Variants in CCDC175 observed in about 807,000 individuals in gnomAD.
CCDC175 encodes the protein coiled-coil domain-containing protein 175.
A neutral mutation model predicts 114.6 loss-of-function variants in CCDC175; 100 were observed. The ratio of observed to expected loss-of-function variants is 0.87; its 90% CI spans 0.74 to 1.03. CCDC175 has a LOEUF of 1.03. Among genes scored for constraint, CCDC175 ranks in the 50% least tolerant of loss-of-function variants. The pLI, the probability that CCDC175 is intolerant of heterozygous loss-of-function variation, is 0.00. For missense variants in CCDC175, 880 were observed against 917.8 expected (o/e 0.96, Z 0.53); for synonymous variants, 306 against 308.7 (o/e 0.99, Z 0.09).
At position 59,531,752 on chromosome 14, in the gene CCDC175, A is replaced by T; in HGVS notation, c.1762+20T>A. ...TCCTTACCTGGGATTGAGTTTAATTACTAAATGCTTCATATGTACCTGTAA... is the reference window on the plus strand; with the variant it reads ...TCCTTACCTGGGATTGAGTTTAATTTCTAAATGCTTCATATGTACCTGTAA... On this transcript the variant is annotated intron_variant, in intron 14 of 19. Coordinates refer to ENST00000537690, the MANE Select transcript of CCDC175 (RefSeq NM_001164399.2). 6.9e-7 allele frequency: 1 copy of T among 1,447,122 alleles called. No homozygotes were observed. The highest frequency in any genetic ancestry group is 1.3e-5 in the South Asian group (1 of 74,940). 89.6% of individuals were successfully genotyped at this position (1,447,122 alleles called of 1,614,324 possible). A position where few individuals can be genotyped will look rare whatever the true frequency, so the allele number is the denominator to read the frequency against.
intron 8 of CCDC175, among the ~76,000 whole-genome samples, chr14:59,550,696 A>G (rs1895414149): frequency 6.6e-6 from 1 of 152,158 alleles, no homozygotes; most frequent in African/African-American, 2.4e-5. Flanking sequence ...CTGGTGTTCG[A>G]GAGCAGGAAG....
At chr14:59,570,190 GCTGCTGGGCACTGTGGA>G (rs1266012006) in intron 3 of CCDC175, among the ~76,000 whole-genome samples, 2 of 152,202 alleles carry the variant, frequency 1.3e-5, no homozygotes, top group African/African-American at 2.4e-5. Flanking sequence ...ACTGGTGGAA[GCTGCTGGGCACTGTGGA>G]CTGCTGGATG....
chr14:59,537,915 C>A, intron 13 of CCDC175, 108 bp downstream of exon 13: 1 of 699,314 alleles, frequency 1.4e-6, no homozygotes, highest in Non-Finnish European at 2.1e-6. Context: ...CTCTTTCATA[C>A]TAGAATATTT....
intron 10 of CCDC175, among the ~76,000 whole-genome samples, chr14:59,542,341 C>A (rs969830952): frequency 3.3e-5 from 5 of 152,170 alleles, no homozygotes; most frequent in African/African-American, 4.8e-5. Flanking sequence ...CCCAACTGAA[C>A]TATAAGCTCC....
chr14:59,565,270 T>C lies in CCDC175; in HGVS notation c.497A>G (p.Lys166Arg), dbSNP rs1896464525. ...LTKYNEALGE[K>R]QEELARKHAR... is the part of the protein sequence containing the mutation. Reference sequence around the variant, plus strand: ...ATGCTTCCTTGCTAGCTCTTCCTGCTTCTCCCTGGGAGGAAAGAATTGCTC... The same window carrying C: ...ATGCTTCCTTGCTAGCTCTTCCTGCCTCTCCCTGGGAGGAAAGAATTGCTC... Residue 166 changes from lysine (K) to arginine (R), a missense_variant, in exon 5 of 20, where the codon AAG (lysine) becomes AGG (arginine). Coordinates refer to ENST00000537690, the MANE Select transcript of CCDC175 (RefSeq NM_001164399.2). The C allele has an allele frequency of 6.5e-7, 1 of 1,536,328 alleles. No individual in the cohort carries two copies. Among genetic ancestry groups the C allele is most frequent in the African/African-American group, 1.4e-5 (1 of 73,012 alleles).
intron 18 of CCDC175, among the ~76,000 whole-genome samples, chr14:59,511,044 G>T (rs1892708893): frequency 1.3e-5 from 2 of 152,154 alleles, no homozygotes; most frequent in South Asian, 4.1e-4. Context: ...TTTTTAAGTG[G>T]ATAATGGTAG....
chr14:59,544,015 G>T (rs1894948206), intron 9 of CCDC175, among the ~76,000 whole-genome samples: 1 of 152,192 alleles, frequency 6.6e-6, no homozygotes, highest in Admixed American at 6.5e-5. Flanking sequence ...TTTAATAAGA[G>T]TGTGATCTTA....
intron 7 of CCDC175, among the ~76,000 whole-genome samples, chr14:59,552,142 T>G (rs1895545665): frequency 1.3e-5 from 2 of 152,226 alleles, no homozygotes; most frequent in African/African-American, 2.4e-5. Flanking sequence ...GCACGGAGTT[T>G]GAGATCTGAG....
chr14:59,540,726 T>A lies in CCDC175; in HGVS notation c.1304A>T (p.Gln435Leu), dbSNP rs1212872366. The stretch of plus-strand genomic sequence containing the variant: ...AGCACTCAGGATTTTGATTTGTTGC[T>A]GATACACTGTTTTTGTTGCTCTAAA... ...ELQQATKTVY[Q>L]QQIKILSANL... The change falls in exon 11 of 20, where the codon CAG becomes CTG. Residue 435 changes from glutamine to leucine, a missense_variant. By Grantham distance (113) the Gln-to-Leu change is moderately radical (BLOSUM62 -2). Transcript: ENST00000537690. 3.3e-6 allele frequency: 5 copies of A among 1,533,004 alleles called. No homozygotes were observed. Among genetic ancestry groups the A allele is most frequent in the Non-Finnish European group, 4.4e-6 (5 of 1,145,660 alleles). The allele number at this position is 1,533,004 out of a possible 1,614,324, so 95.0% of individuals were successfully genotyped here.
At chr14:59,532,665 G>C (rs1894139210) in intron 13 of CCDC175, among the ~76,000 whole-genome samples, 1 of 152,114 alleles carries the variant, frequency 6.6e-6, no homozygotes, top group Non-Finnish European at 1.5e-5. Flanking sequence ...TCCTGCAACA[G>C]GAACAGCTGT....
In CCDC175 at chr14:59,572,645, T is replaced by A. The variant is rs377028629; in HGVS notation, c.355+57A>T. Reference sequence around the variant, plus strand: ...ACTATGAAACTTATCTTGTTGAAAGTACTTCATTCTGTTATAAGATCAACT... The same window carrying A: ...ACTATGAAACTTATCTTGTTGAAAGAACTTCATTCTGTTATAAGATCAACT... On this transcript the variant is annotated intron_variant, in intron 3 of 19. Transcript: ENST00000537690. 3.7e-5 allele frequency: 34 copies of A among 912,416 alleles called. No homozygotes were observed. In the East Asian group the frequency reaches 8.9e-4, roughly 24 times the overall value. The allele number at this position is 912,416 out of a possible 1,614,324, so 56.5% of individuals were successfully genotyped here. A position where few individuals can be genotyped will look rare whatever the true frequency, so the allele number is the denominator to read the frequency against.
At chr14:59,566,415 C>T (rs1224138111) in intron 4 of CCDC175, among the ~76,000 whole-genome samples, 14 of 152,128 alleles carry the variant, frequency 9.2e-5, no homozygotes, top group African/African-American at 3.4e-4. Flanking sequence ...TTTGAAGGCT[C>T]AGGAAAATAA....
intron 16 of CCDC175, among the ~76,000 whole-genome samples, chr14:59,523,540 T>G (rs1021852046): frequency 1.1e-4 from 16 of 152,246 alleles, no homozygotes; most frequent in African/African-American, 2.9e-4. Flanking sequence ...GTTACAGTCT[T>G]AAACGTCAAA....
intron 15 of CCDC175, among the ~76,000 whole-genome samples, chr14:59,525,744 T>G (rs1893700889): frequency 6.6e-6 from 1 of 152,070 alleles, no homozygotes; most frequent in African/African-American, 2.4e-5. Flanking sequence ...ATAGAATACA[T>G]TCACAAAAAT....
chr14:59,564,681 G>C (rs1365540008), intron 5 of CCDC175, among the ~76,000 whole-genome samples: 16 of 152,162 alleles, frequency 1.1e-4, no homozygotes. Flanking sequence ...GGCTGGGCTG[G>C]TGCCCTATCT....
At chr14:59,572,045 A>G (rs1374233752) in intron 3 of CCDC175, among the ~76,000 whole-genome samples, 2 of 135,514 alleles carry the variant, frequency 1.5e-5, no homozygotes, top group Non-Finnish European at 3.1e-5. Context: ...TAATGTAAAT[A>G]TTCCAAATTC....
intron 8 of CCDC175, among the ~76,000 whole-genome samples, chr14:59,549,995 C>T (rs930829128): frequency 1.3e-5 from 2 of 152,090 alleles, no homozygotes; most frequent in African/African-American, 4.8e-5. Context: ...ACTGCAACCT[C>T]TGTCTCCCAG....
In CCDC175 at chr14:59,576,769, G is replaced by A. The variant is rs1897152053; in HGVS notation, c.7C>T (p.Leu3=). The A allele has an allele frequency of 2.8e-6, 4 of 1,441,212 alleles. No homozygotes were observed. Among genetic ancestry groups the A allele is most frequent in the Non-Finnish European group, 2.7e-6 (3 of 1,109,534 alleles). 89.3% of individuals were successfully genotyped at this position (1,441,212 alleles called of 1,614,324 possible). A position where few individuals can be genotyped will look rare whatever the true frequency, so the allele number is the denominator to read the frequency against. The part of the protein sequence containing the change: MA[L]SPWTPGLGAG... ...CCCAGCCCTGGGGTCCAGGGGCTCAGGGCCATTTTGCCGCTCTACTTGAGC... is the reference window on the plus strand; with the variant it reads ...CCCAGCCCTGGGGTCCAGGGGCTCAAGGCCATTTTGCCGCTCTACTTGAGC... The change falls in exon 1 of 20, where the codon CTG becomes TTG. Residue 3 remains leucine (L), a synonymous_variant. Coordinates refer to ENST00000537690, the MANE Select transcript of CCDC175 (RefSeq NM_001164399.2).
chr14:59,562,748 A>C (rs1219631681), intron 6 of CCDC175, among the ~76,000 whole-genome samples: 1 of 152,126 alleles, frequency 6.6e-6, no homozygotes, highest in East Asian at 1.9e-4. Context: ...TCGATTTATG[A>C]TTTATGAGGC....
Sources: allele counts gnomAD v4.1 joint callset (sites outside exome capture counted in the v4.1 genomes callset), GRCh38; gene constraint gnomAD v4.1.1; transcripts MANE v1.5; gene names NCBI Gene and HGNC (gene_info 2026-07-23, HGNC 2026-07-21).